The following SCIN variants were observed in gnomAD, a reference collection of about 807,000 sequenced individuals.
SCIN encodes the protein adseverin.
Under a neutral mutation model 91.8 loss-of-function variants are expected in SCIN, and 91 were observed. The ratio of observed to expected loss-of-function variants is 0.99; its 90% CI spans 0.84 to 1.18. The LOEUF is 1.18. SCIN is among the 50% of genes most tolerant of loss of function. SCIN has a pLI of 0.00. For missense variants in SCIN, 1,087 were observed against 863.9 expected, an observed-to-expected ratio of 1.26 and a Z score of -3.24; for synonymous variants, 367 against 312.6, an observed-to-expected ratio of 1.17 and a Z score of -1.84.
At chr7:12,606,851 G>A (rs187362894) in intron 4 of SCIN, among the ~76,000 whole-genome samples, 1 of 152,238 alleles carries the variant, frequency 6.6e-6, no homozygotes, top group Non-Finnish European at 1.5e-5. Context: ...ATTTTCATTG[G>A]TTAGAATAAC....
rs773928905 is a variant in SCIN, at chr7:12,656,603, C to CA, written c.*3893dup. ...AAAACTGGCTTATAAATGCACTTCA[C>CA]AAAAACTGTTAGAAAAGTAGCCATT... On this transcript the variant is annotated 3_prime_UTR_variant, in exon 16 of 16. Transcript: ENST00000297029. The CA allele has an allele frequency of 1.3e-5, 2 of 152,110 alleles. No individual in the cohort carries two copies. The highest frequency in any genetic ancestry group is 2.4e-5 in the African/African-American group (1 of 41,412). 9.4% of individuals were successfully genotyped at this position (152,110 alleles called of 1,614,324 possible).
intron 5 of SCIN, among the ~76,000 whole-genome samples, chr7:12,624,656 T>G (rs1195975644): frequency 2.0e-5 from 3 of 152,194 alleles, no homozygotes; most frequent in Admixed American, 1.3e-4. Context: ...AATTACATGA[T>G]GCTTAGTACA....
rs764974459 is a variant in SCIN at position 12,640,406 on chromosome 7, G to A, written c.1470G>A (p.Pro490=). 31 of 1,613,106 alleles carry A rather than the reference G, an allele frequency of 1.9e-5. No individual in the cohort carries two copies. The highest frequency in any genetic ancestry group is 1.8e-4 in the East Asian group (8 of 44,818). Reference sequence around the variant, plus strand: ...TACTGAGTTTGTTCAAAGACAAACCGCTCATTATTTACAAGAATGGAACAT... The same window carrying A: ...TACTGAGTTTGTTCAAAGACAAACCACTCATTATTTACAAGAATGGAACAT... ...VHLLSLFKDK[P]LIIYKNGTSK... The change falls in exon 11 of 16, where the codon CCG becomes CCA. Residue 490 remains proline, a synonymous_variant. Coordinates refer to ENST00000297029, the MANE Select transcript of SCIN (RefSeq NM_001112706.3).
At chr7:12,620,841 A>G (rs1783392553) in intron 4 of SCIN, among the ~76,000 whole-genome samples, 1 of 152,170 alleles carries the variant, frequency 6.6e-6, no homozygotes, top group Admixed American at 6.6e-5. Context: ...AGAAACTTAC[A>G]GAAAGTAATT....
intron 14 of SCIN, among the ~76,000 whole-genome samples, chr7:12,649,936 C>T (rs900044016): frequency 6.6e-6 from 1 of 152,106 alleles, no homozygotes; most frequent in Non-Finnish European, 1.5e-5. Context: ...GACAAGAAGT[C>T]ATGGGTAGCC....
intron 4 of SCIN, among the ~76,000 whole-genome samples, chr7:12,606,747 T>C (rs1296846054): frequency 6.6e-6 from 1 of 152,214 alleles, no homozygotes; most frequent in Admixed American, 6.5e-5. Context: ...CTTCTTCATT[T>C]GTCTTTGTTA....
chr7:12,571,197 T>C (rs1782263197), intron 1 of SCIN: 6 of 588,318 alleles, frequency 1.0e-5, no homozygotes, highest in Admixed American at 9.3e-5. Context: ...TTGTCCGCAA[T>C]TGACTTACCT....
chr7:12,628,241 A>T lies in SCIN; in HGVS notation c.1198-860A>T, dbSNP rs138258106. On this transcript the variant is annotated intron_variant, in intron 8 of 15. Transcript: ENST00000297029. ...TCTCCCAGCATCACATTTCGGTCTT[A>T]TTCCTGGATGGCACCTTTTAAAAAC... Among the ~76,000 whole-genome samples the T allele has an allele frequency of 4.6e-5, 7 of 152,228 alleles. No homozygotes were observed. In the East Asian group the frequency reaches 1.4e-3, roughly 29 times the overall value.
intron 2 of SCIN, among the ~76,000 whole-genome samples, chr7:12,579,345 C>T (rs1166357600): frequency 6.6e-6 from 1 of 152,070 alleles, no homozygotes; most frequent in Admixed American, 6.5e-5. Flanking sequence ...AAACTATTAC[C>T]TCTCATTTTA....
chr7:12,575,163 C>G (rs1392051021), intron 1 of SCIN, among the ~76,000 whole-genome samples: 1 of 151,370 alleles, frequency 6.6e-6, no homozygotes, highest in Non-Finnish European at 1.5e-5. Context: ...AGAAATGTGA[C>G]TGATTTTTTG....
In SCIN at chr7:12,654,571, T is replaced by A. The variant is rs1475973213; in HGVS notation, c.*1856T>A. 6.6e-6 allele frequency: 1 copy of A among 152,178 alleles called. No individual in the cohort carries two copies. The highest frequency in any genetic ancestry group is 1.5e-5 in the Non-Finnish European group (1 of 68,028). 9.4% of individuals were successfully genotyped at this position (152,178 alleles called of 1,614,324 possible). On this transcript the variant is annotated 3_prime_UTR_variant, in exon 16 of 16. Transcript: ENST00000297029. ...TTTATAAATATCTTCTGGGTCAAGC[T>A]GAATATTTTTTGAAGGATGATGAGA...
In SCIN at chr7:12,649,505, A is replaced by G; in HGVS notation, c.1920A>G (p.Leu640=). The change falls in exon 14 of 16, where the codon TTA becomes TTG. Residue 640 remains leucine (L), a synonymous_variant. Transcript: ENST00000297029. ...CAGGAGAGTTCACCCAGGATGATTT[A>G]GCTGAAGATGATGTCATGTTACTAG... The part of the protein sequence containing the change: ...EIPGEFTQDD[L]AEDDVMLLDA... The G allele has an allele frequency of 1.2e-6, 2 of 1,603,630 alleles. No individual in the cohort carries two copies. Among genetic ancestry groups the G allele is most frequent in the Non-Finnish European group, 1.7e-6 (2 of 1,174,566 alleles).
At position 12,656,615 on chromosome 7, in the gene SCIN, G is replaced by C. The variant is rs1005361598; in HGVS notation, c.*3900G>C. Reference sequence around the variant, plus strand: ...TAAATGCACTTCACAAAAACTGTTAGAAAAGTAGCCATTAAACCTGTAAAA... The same window carrying C: ...TAAATGCACTTCACAAAAACTGTTACAAAAGTAGCCATTAAACCTGTAAAA... On this transcript the variant is annotated 3_prime_UTR_variant, in exon 16 of 16. Coordinates refer to ENST00000297029, the MANE Select transcript of SCIN (RefSeq NM_001112706.3). 2 of 152,108 alleles carry C rather than the reference G, an allele frequency of 1.3e-5. No individual in the cohort carries two copies. Among genetic ancestry groups the C allele is most frequent in the Non-Finnish European group, 2.9e-5 (2 of 68,022 alleles). The allele number at this position is 152,108 out of a possible 1,614,324, so 9.4% of individuals were successfully genotyped here. A position where few individuals can be genotyped will look rare whatever the true frequency, so the allele number is the denominator to read the frequency against.
intron 12 of SCIN, 29 bp downstream of exon 12, chr7:12,644,344 C>G: frequency 3.9e-6 from 6 of 1,556,774 alleles, no homozygotes; most frequent in Non-Finnish European, 5.2e-6. Context: ...AGGGCACTAA[C>G]TAGAATTTAT....
At chr7:12,618,995 C>T (rs1027000968) in intron 4 of SCIN, among the ~76,000 whole-genome samples, 4 of 152,012 alleles carry the variant, frequency 2.6e-5, no homozygotes, top group Non-Finnish European at 5.9e-5. Context: ...TTATGAGACA[C>T]GGATCTAAGG....
At chr7:12,626,455 G>A (rs1783523399) in intron 7 of SCIN, 129 bp from the exon 8 acceptor site, 1 of 714,592 alleles carries the variant, frequency 1.4e-6, no homozygotes, top group Non-Finnish European at 2.2e-6. Context: ...AGCAATTTTG[G>A]ATTATATGAG....
At chr7:12,635,720 C>T (rs1583315332) in intron 9 of SCIN, among the ~76,000 whole-genome samples, 1 of 138,582 alleles carries the variant, frequency 7.2e-6, no homozygotes, top group Non-Finnish European at 1.5e-5. Flanking sequence ...GATTATTTTT[C>T]ACTGTAGAGG....
Position 12,644,711 on chromosome 7 carries a change from T to C in SCIN, c.1881+6T>C. On this transcript the variant is annotated splice_donor_region_variant and intron_variant, in intron 13 of 15. Transcript: ENST00000297029. ...ACAAAACTGGAAGATTTGTTGTAAG[T>C]GTCCTTAAAAATAGTGCGATAGGGC... The C allele has an allele frequency of 6.4e-7, 1 of 1,555,824 alleles. No homozygotes were observed. The highest frequency in any genetic ancestry group is 1.7e-4 in the Middle Eastern group (1 of 5,996).
rs576625428 is a variant in SCIN, at chr7:12,650,442, C to G, written c.1959+898C>G. Among the ~76,000 whole-genome samples the G allele has an allele frequency of 3.9e-5, 6 of 152,312 alleles. No individual in the cohort carries two copies. The East Asian group carries it at 1.2e-3, about 29-fold the overall frequency. ...TCTCATTTGCAGTCAACTCCTGTTT[C>G]TGTAATCATGGGTACTTTTTGGAAG... is the stretch of plus-strand genomic sequence containing the variant. On this transcript the variant is annotated intron_variant, in intron 14 of 15. Coordinates refer to ENST00000297029, the MANE Select transcript of SCIN (RefSeq NM_001112706.3).
Sources: gnomAD v4.1 joint callset for allele counts (sites outside exome capture counted in the v4.1 genomes callset) on GRCh38, gnomAD v4.1.1 for gene constraint, MANE v1.5 for transcripts, NCBI Gene and HGNC (gene_info 2026-07-23, HGNC 2026-07-21) for gene names.